Variants in FAM240A observed in about 807,000 individuals in gnomAD.
FAM240A encodes the protein protein FAM240A.
A neutral mutation model predicts 7.3 loss-of-function variants in FAM240A; 8 were observed. The ratio of observed to expected loss-of-function variants is 1.09; its 90% CI spans 0.64 to 1.97. The LOEUF (loss-of-function observed/expected upper bound fraction) is 1.97, where lower values mean the gene tolerates loss of function less well. Ranked by LOEUF, FAM240A falls within the 30% of genes most tolerant of loss-of-function variation. The pLI, the probability that FAM240A is intolerant of heterozygous loss-of-function variation, is 0.00. For synonymous variants in FAM240A, 32 were observed against 35.9 expected, an observed-to-expected ratio of 0.89 and a Z score of 0.38; for missense variants, 90 against 102.2, an observed-to-expected ratio of 0.88 and a Z score of 0.52.
intron 1 of FAM240A, among the ~76,000 whole-genome samples, chr3:46,616,721 A>ACT (rs1553617893): frequency 6.6e-5 from 10 of 151,556 alleles, no homozygotes; most frequent in Middle Eastern, 3.4e-3. Flanking sequence ...ACACACACAC[A>ACT]CACACACATA....
chr3:46,624,645 TG>T (rs1697736523), intron 2 of FAM240A, among the ~76,000 whole-genome samples: 2 of 152,168 alleles, frequency 1.3e-5, no homozygotes, highest in Non-Finnish European at 2.9e-5. Context: ...GCTTTTCAGA[TG>T]CTTTTCATTC....
intron 1 of FAM240A, among the ~76,000 whole-genome samples, chr3:46,614,768 A>G (rs1467126693): frequency 1.3e-5 from 2 of 152,238 alleles, no homozygotes; most frequent in African/African-American, 4.8e-5. Flanking sequence ...AATGGTGGCC[A>G]ACAGACCAAG....
At chr3:46,619,110 T>C (rs1224978712) in intron 2 of FAM240A, among the ~76,000 whole-genome samples, 1 of 151,908 alleles carries the variant, frequency 6.6e-6, no homozygotes, top group Non-Finnish European at 1.5e-5. Flanking sequence ...GAATGTTAGT[T>C]CCCCTCCCTC....
intron 1 of FAM240A, among the ~76,000 whole-genome samples, chr3:46,613,877 C>T (rs950635347): frequency 6.6e-6 from 1 of 152,092 alleles, no homozygotes; most frequent in African/African-American, 2.4e-5. Flanking sequence ...CAGTGTCAGC[C>T]GTTTAGAGTG....
intron 1 of FAM240A, among the ~76,000 whole-genome samples, chr3:46,616,052 T>G (rs1433214895): frequency 6.6e-6 from 1 of 152,256 alleles, no homozygotes; most frequent in Non-Finnish European, 1.5e-5. Context: ...TGGACTTAGG[T>G]GCACAAAATT....
At chr3:46,614,096 T>C (rs1697600781) in intron 1 of FAM240A, among the ~76,000 whole-genome samples, 1 of 152,046 alleles carries the variant, frequency 6.6e-6, no homozygotes, top group South Asian at 2.1e-4. Flanking sequence ...TTTTTTATTT[T>C]TTATTTTTAT....
chr3:46,619,844 A>C (rs1274091775), intron 2 of FAM240A, among the ~76,000 whole-genome samples: 1 of 152,206 alleles, frequency 6.6e-6, no homozygotes, highest in Non-Finnish European at 1.5e-5. Context: ...AAACACCCCG[A>C]GGCAAGGGAA....
chr3:46,625,228 G>C lies in FAM240A; in HGVS notation c.*10G>C, dbSNP rs1241838035. On this transcript the variant is annotated 3_prime_UTR_variant, in exon 3 of 3. Transcript: ENST00000640551. Reference sequence around the variant, plus strand: ...GACAAATGTTGGCTGAGAGCTTCCTGCTTCATTGACACAAGAAGATGCAAA... The same window carrying C: ...GACAAATGTTGGCTGAGAGCTTCCTCCTTCATTGACACAAGAAGATGCAAA... 1 of 1,525,100 alleles carries C rather than the reference G, an allele frequency of 6.6e-7. No homozygotes were observed. Among genetic ancestry groups the C allele is most frequent in the East Asian group, 2.5e-5 (1 of 40,556 alleles). The allele number at this position is 1,525,100 out of a possible 1,614,324, so 94.5% of individuals were successfully genotyped here.
intron 2 of FAM240A, among the ~76,000 whole-genome samples, chr3:46,624,694 C>T (rs960436232): frequency 3.3e-5 from 5 of 152,040 alleles, no homozygotes; most frequent in African/African-American, 1.2e-4. Flanking sequence ...TGTCACTTTC[C>T]TTCTGTTTGA....
At position 46,625,197 on chromosome 3, in the gene FAM240A, A is replaced by G. The variant is rs1167716688; in HGVS notation, c.231A>G (p.Glu77=). ...TGCGGAACAATCCAGAGGACACTGAAAAGAGGACAAATGTTGGCTGAGAGC... is the reference window on the plus strand; with the variant it reads ...TGCGGAACAATCCAGAGGACACTGAGAAGAGGACAAATGTTGGCTGAGAGC... ...LRLRNNPEDT[E]KRTNVG is the part of the protein sequence containing the mutation. Residue 77 remains glutamate, a synonymous_variant, in exon 3 of 3, where the codon GAA becomes GAG. Transcript: ENST00000640551. The G allele has an allele frequency of 1.3e-6, 2 of 1,533,336 alleles. No homozygotes were observed. Among genetic ancestry groups the G allele is most frequent in the African/African-American group, 2.7e-5 (2 of 73,086 alleles). The allele number at this position is 1,533,336 out of a possible 1,614,324, so 95.0% of individuals were successfully genotyped here.
chr3:46,616,730 T>C (rs77190926), intron 1 of FAM240A, among the ~76,000 whole-genome samples: 3,612 of 127,686 alleles, frequency 0.028, 118 homozygotes, highest in African/African-American at 0.088. Flanking sequence ...CACACACACA[T>C]AAAACATTTT....
intron 2 of FAM240A, among the ~76,000 whole-genome samples, chr3:46,620,395 A>G (rs1469688214): frequency 1.2e-5 from 1 of 80,414 alleles, no homozygotes; most frequent in Non-Finnish European, 2.9e-5. Flanking sequence ...ATGAAAGTAA[A>G]TTGGATCTAA....
At chr3:46,613,712 C>T (rs1246045277) in intron 1 of FAM240A, among the ~76,000 whole-genome samples, 2 of 152,094 alleles carry the variant, frequency 1.3e-5, no homozygotes, top group Non-Finnish European at 2.9e-5. Context: ...CCTGCCCGCT[C>T]ATCCTGCAAG....
chr3:46,619,837 C>T (rs1260350118), intron 2 of FAM240A, among the ~76,000 whole-genome samples: 1 of 152,188 alleles, frequency 6.6e-6, no homozygotes, highest in Non-Finnish European at 1.5e-5. Flanking sequence ...CATGTGCAAA[C>T]ACCCCGAGGC....
intron 2 of FAM240A, among the ~76,000 whole-genome samples, 182 bp downstream of exon 2, chr3:46,617,510 C>A (rs1427519351): frequency 2.6e-5 from 4 of 152,176 alleles, no homozygotes; most frequent in African/African-American, 9.7e-5. Context: ...TGTCGATGAG[C>A]TTTCACTGAC....
Position 46,612,663 on chromosome 3 carries a change from T to C in FAM240A, c.-21T>C, listed in dbSNP as rs767851799. 55 of 1,534,998 alleles carry C rather than the reference T, an allele frequency of 3.6e-5. No individual in the cohort carries two copies. The highest frequency in any genetic ancestry group is 4.7e-5 in the Non-Finnish European group (54 of 1,145,966). On this transcript the variant is annotated 5_prime_UTR_variant, in exon 1 of 3. Coordinates refer to ENST00000640551, the MANE Select transcript of FAM240A (RefSeq NM_001195442.2). ...GTGCGACACATTTGGTTCGACTGAA[T>C]CGATGTCTTCACATCCCTTCATGCG... is the stretch of plus-strand genomic sequence containing the variant.
intron 2 of FAM240A, among the ~76,000 whole-genome samples, chr3:46,623,139 T>A (rs531926385): frequency 7.9e-5 from 12 of 152,306 alleles, no homozygotes; most frequent in Admixed American, 1.3e-4. Context: ...TTGCTTTTTT[T>A]AAATTTTAAT....
intron 2 of FAM240A, 124 bp from the exon 3 acceptor site, chr3:46,625,004 A>G: frequency 2.3e-6 from 1 of 436,494 alleles, no homozygotes; most frequent in South Asian, 3.6e-5. Flanking sequence ...TGTCCTCTGC[A>G]TGCCTTTTAA....
intron 1 of FAM240A, among the ~76,000 whole-genome samples, chr3:46,615,846 G>GCGCACACACA (rs1553617840): frequency 1.5e-4 from 23 of 148,736 alleles, no homozygotes; most frequent in African/African-American, 5.2e-4. Flanking sequence ...CCACATGTGT[G>GCGCACACACA]CACGCACACA....
Sources: allele counts gnomAD v4.1 joint callset (sites outside exome capture counted in the v4.1 genomes callset), GRCh38; gene constraint gnomAD v4.1.1; transcripts MANE v1.5; gene names NCBI Gene and HGNC (gene_info 2026-07-23, HGNC 2026-07-21).